EPG5: variants seen among roughly 807,000 people sequenced by gnomAD.
The protein encoded by EPG5 is ectopic P granules protein 5 homolog.
A neutral mutation model predicts 302.7 loss-of-function variants in EPG5; 159 were observed. The observed-to-expected ratio is 0.53, with a 90% confidence interval of 0.46 to 0.60. The LOEUF (loss-of-function observed/expected upper bound fraction) is 0.60, where lower values mean the gene tolerates loss of function less well. EPG5 is among the 20% of genes least tolerant of loss of function. EPG5 has a pLI of 0.00. For missense variants in EPG5, 2,896 were observed against 3,092.4 expected (o/e 0.94, Z 1.51); for synonymous variants, 1,158 against 1,136.8 (o/e 1.02, Z -0.37).
At chr18:45,828,542 T>TATCACA in the EPG5 span, among the ~76,000 whole-genome samples, 1 of 152,164 alleles carries the variant, frequency 6.6e-6, no homozygotes, top group Non-Finnish European at 1.5e-5. Flanking sequence ...GATAGGCAGA[T>TATCACA]ATCACAACCA....
At chr18:45,864,706 G>A (rs1185559412) in intron 39 of EPG5, among the ~76,000 whole-genome samples, 4 of 152,188 alleles carry the variant, frequency 2.6e-5, no homozygotes, top group Admixed American at 1.3e-4. Flanking sequence ...TGGTGGCACC[G>A]CCAACCCAGA....
intron 32 of EPG5, among the ~76,000 whole-genome samples, chr18:45,879,753 A>C (rs1951093317): frequency 6.6e-6 from 1 of 152,210 alleles, no homozygotes; most frequent in Admixed American, 6.5e-5. Context: ...AACAGAAAGG[A>C]TAAAACCCAG....
Position 45,930,828 on chromosome 18 carries a change from G to C in EPG5, c.2260C>G (p.Pro754Ala). The change falls in exon 12 of 44, where the codon CCA becomes GCA. Residue 754 changes from proline (P) to alanine (A), a missense_variant and splice_region_variant. This residue lies in a region of EPG5 where 1,390 missense variants were observed against 1,430.0 expected (regional missense o/e 0.97). Transcript: ENST00000282041. ...TTCTCAAAGTTGGTAAAATGTTCTG[G>C]GTCTGCAAGTTCATATCAAGAAAAT... ...PAQCKQQLQD[P>A]EHFTNFEKCL... is the part of the protein sequence containing the mutation. The C allele has an allele frequency of 6.3e-7, 1 of 1,584,266 alleles. No individual in the cohort carries two copies. The highest frequency in any genetic ancestry group is 8.5e-7 in the Non-Finnish European group (1 of 1,171,010).
intron 1 of EPG5, among the ~76,000 whole-genome samples, chr18:45,966,563 A>G (rs925364401): frequency 6.6e-6 from 1 of 150,864 alleles, no homozygotes; most frequent in Non-Finnish European, 1.5e-5. Flanking sequence ...AGTCTAATAC[A>G]GGAAACTCAG....
intron 30 of EPG5, among the ~76,000 whole-genome samples, chr18:45,883,067 CTG>C (rs1166958528): frequency 6.7e-6 from 1 of 149,862 alleles, no homozygotes; most frequent in East Asian, 1.9e-4. Flanking sequence ...GCATCTATTT[CTG>C]TGTTACTATC....
chr18:45,858,574 C>T lies in EPG5; in HGVS notation c.7218G>A (p.Val2406=), dbSNP rs2048565391. 2 of 1,613,994 alleles carry T rather than the reference C, an allele frequency of 1.2e-6. No individual in the cohort carries two copies. The highest frequency in any genetic ancestry group is 1.7e-6 in the Non-Finnish European group (2 of 1,179,852). The change falls in exon 41 of 44, where the codon GTG becomes GTA. Residue 2406 remains valine, a synonymous_variant. Coordinates refer to ENST00000282041, the MANE Select transcript of EPG5 (RefSeq NM_020964.3). ...LLILSKWLEQ[V]YPSSVEEEAK... is the part of the protein sequence containing the mutation. Reference sequence around the variant, plus strand: ...CCTGAGGGCCAACGTACCTTGGGTACACCTGTTCCAGCCACTTGCTTAAGA... The same window carrying T: ...CCTGAGGGCCAACGTACCTTGGGTATACCTGTTCCAGCCACTTGCTTAAGA...
At chr18:45,814,818 T>C in the EPG5 span, among the ~76,000 whole-genome samples, 1 of 152,220 alleles carries the variant, frequency 6.6e-6, no homozygotes, top group Non-Finnish European at 1.5e-5. Context: ...TATTGGTTGT[T>C]CTTGTTCATC....
intron 39 of EPG5, among the ~76,000 whole-genome samples, chr18:45,862,384 A>G (rs1283799088): frequency 3.9e-5 from 6 of 152,206 alleles, no homozygotes; most frequent in African/African-American, 1.2e-4. Context: ...AAAAAAGTCT[A>G]TGATGAGCAC....
the EPG5 span, among the ~76,000 whole-genome samples, chr18:45,814,850 T>C: frequency 6.6e-6 from 1 of 152,208 alleles, no homozygotes; most frequent in East Asian, 1.9e-4. Flanking sequence ...CTCAAATACA[T>C]TGTTATCCAT....
At chr18:45,838,755 T>A in the EPG5 span, 1 of 1,582,658 alleles carries the variant, frequency 6.3e-7, no homozygotes, top group East Asian at 2.3e-5. Flanking sequence ...TGCTGCCCAG[T>A]CCGGCTCACG....
chr18:45,950,366 A>C (rs1053921765), intron 4 of EPG5, among the ~76,000 whole-genome samples: 1 of 152,190 alleles, frequency 6.6e-6, no homozygotes, highest in African/African-American at 2.4e-5. Context: ...AGGTAACTGA[A>C]TCATGGGGGC....
At chr18:45,929,219 T>C (rs778268621) in intron 12 of EPG5, among the ~76,000 whole-genome samples, 1 of 152,244 alleles carries the variant, frequency 6.6e-6, no homozygotes, top group Admixed American at 6.5e-5. Flanking sequence ...GAATGGCAAC[T>C]TCTTATAACA....
intron 11 of EPG5, 98 bp downstream of exon 11, chr18:45,934,711 C>T: frequency 1.5e-6 from 2 of 1,367,896 alleles, no homozygotes; most frequent in South Asian, 1.5e-5. Flanking sequence ...TAGAGTAAAA[C>T]ATTTTCTCTT....
chr18:45,944,071 C>A lies in EPG5; in HGVS notation c.1726G>T (p.Val576Phe), dbSNP rs776155927. ...AAGGGGAACTGTGCTAAAATGGTAACCAAATCATCTTCATTAAGGAGAATC... is the reference window on the plus strand; with the variant it reads ...AAGGGGAACTGTGCTAAAATGGTAAACAAATCATCTTCATTAAGGAGAATC... ...SWILLNEDDLVTILAQFPFHE... is the reference protein window; with the variant it reads ...SWILLNEDDLFTILAQFPFHE... Residue 576 changes from valine (V) to phenylalanine (F), a missense_variant, in exon 8 of 44, where the codon GTT becomes TTT. Val to Phe is a conservative substitution (Grantham distance 50). Around this residue, in one of 5 missense-constraint regions of EPG5, gnomAD observed 1,390 missense variants for 1,430.0 expected, o/e 0.97. Coordinates refer to ENST00000282041, the MANE Select transcript of EPG5 (RefSeq NM_020964.3). 12 of 1,613,908 alleles carry A rather than the reference C, an allele frequency of 7.4e-6. No homozygotes were observed. The highest frequency in any genetic ancestry group is 1.0e-5 in the Non-Finnish European group (12 of 1,179,946).
At chr18:45,908,857 G>A (rs1033557330) in intron 23 of EPG5, among the ~76,000 whole-genome samples, 3 of 151,832 alleles carry the variant, frequency 2.0e-5, no homozygotes, top group African/African-American at 7.3e-5. Flanking sequence ...GCTGAGGCAG[G>A]AGAATCACTT....
At chr18:45,921,991 G>A (rs1283599897) in intron 16 of EPG5, among the ~76,000 whole-genome samples, 2 of 149,998 alleles carry the variant, frequency 1.3e-5, no homozygotes, top group Non-Finnish European at 3.0e-5. Flanking sequence ...AGCCTGAGTT[G>A]GGCTACGATC....
intron 26 of EPG5, 42 bp from the exon 27 acceptor site, chr18:45,899,608 G>T: frequency 9.9e-6 from 16 of 1,608,360 alleles, no homozygotes; most frequent in Non-Finnish European, 1.4e-5. Context: ...TCTTAGGAAA[G>T]GTTATATGAT....
At chr18:45,932,813 T>C (rs1335719706) in intron 11 of EPG5, among the ~76,000 whole-genome samples, 1 of 151,898 alleles carries the variant, frequency 6.6e-6, no homozygotes, top group Non-Finnish European at 1.5e-5. Flanking sequence ...GAGATAAAGA[T>C]AAAAGTGCCG....
the EPG5 span, among the ~76,000 whole-genome samples, chr18:45,826,062 C>A: frequency 3.9e-5 from 6 of 152,174 alleles, no homozygotes; most frequent in Non-Finnish European, 5.9e-5. Flanking sequence ...TGCGAGCATC[C>A]AGAGGACAAT....
Sources: allele counts gnomAD v4.1 joint callset (sites outside exome capture counted in the v4.1 genomes callset), GRCh38; gene constraint gnomAD v4.1.1; regional missense constraint gnomAD v4.1.1; transcripts MANE v1.5; gene names NCBI Gene and HGNC (gene_info 2026-07-23, HGNC 2026-07-21).